The following CSMD1 variants were observed in gnomAD, a reference collection of about 807,000 sequenced individuals.
CSMD1 encodes the protein CUB and sushi domain-containing protein 1.
A neutral mutation model predicts 417.5 loss-of-function variants in CSMD1; 213 were observed. The ratio of observed to expected loss-of-function variants is 0.51; its 90% CI spans 0.46 to 0.57. CSMD1 has a LOEUF of 0.57. Ranked by LOEUF, CSMD1 falls within the 20% of genes least tolerant of loss-of-function variation. The probability of loss-of-function intolerance (pLI) is 0.00; values close to 1 mark genes in which losing one functional copy is unlikely to be tolerated. For missense variants in CSMD1, 6,923 were observed against 4,529.7 expected (o/e 1.53, Z -15.17); for synonymous variants, 2,862 against 1,736.8 (o/e 1.65, Z -16.11).
intron 49 of CSMD1, among the ~76,000 whole-genome samples, chr8:3,078,504 G>T (rs1449456941): frequency 6.6e-6 from 1 of 152,218 alleles, no homozygotes; most frequent in Non-Finnish European, 1.5e-5. Context: ...GTTGGACTCT[G>T]CGTTTCAGTC....
At chr8:4,203,673 A>G in intron 3 of CSMD1, among the ~76,000 whole-genome samples, 1 of 152,236 alleles carries the variant, frequency 6.6e-6, no homozygotes, top group Non-Finnish European at 1.5e-5. Context: ...TCTCCTGGCC[A>G]TTTGTAAGTA....
intron 3 of CSMD1, among the ~76,000 whole-genome samples, chr8:4,210,117 C>G (rs1261142177): frequency 6.6e-6 from 1 of 152,214 alleles, no homozygotes; most frequent in Non-Finnish European, 1.5e-5. Flanking sequence ...GATCATTTTC[C>G]TCCTTCCTGG....
chr8:4,403,354 A>T (rs1017069760), intron 3 of CSMD1, among the ~76,000 whole-genome samples: 4 of 152,136 alleles, frequency 2.6e-5, no homozygotes, highest in African/African-American at 9.7e-5. Flanking sequence ...ACTCCTTATA[A>T]GGAAGTCTCT....
chr8:4,626,409 G>A (rs574568351), intron 2 of CSMD1, among the ~76,000 whole-genome samples: 1 of 152,084 alleles, frequency 6.6e-6, no homozygotes, highest in Non-Finnish European at 1.5e-5. Context: ...GTGGAAGGAA[G>A]TAGTAGTCCA....
chr8:4,391,068 T>C (rs1274026749), intron 3 of CSMD1, among the ~76,000 whole-genome samples: 1 of 152,202 alleles, frequency 6.6e-6, no homozygotes, highest in Admixed American at 6.5e-5. Flanking sequence ...ACTAGGGTCG[T>C]TGTCTAGATC....
intron 10 of CSMD1, among the ~76,000 whole-genome samples, chr8:3,562,221 G>C (rs975581345): frequency 1.3e-5 from 2 of 152,134 alleles, no homozygotes; most frequent in Non-Finnish European, 2.9e-5. Flanking sequence ...GTAGAATAGA[G>C]ATTTGTATCA....
chr8:3,050,485 C>G lies in CSMD1; in HGVS notation c.7660+1977G>C, dbSNP rs141980538. On this transcript the variant is annotated intron_variant, in intron 50 of 69. Coordinates refer to ENST00000635120, the MANE Select transcript of CSMD1 (RefSeq NM_033225.6). ...GTCCATAAATGTCTGGGACATTGTT[C>G]TTATTAAAATCAACCCCAAACATAT... Among the ~76,000 whole-genome samples, 135 of 152,220 alleles carry G rather than the reference C, an allele frequency of 8.9e-4. 1 individual carries two copies. In the East Asian group the frequency reaches 0.024, roughly 27 times the overall value.
chr8:3,301,589 G>C (rs776961193), intron 25 of CSMD1, among the ~76,000 whole-genome samples: 2 of 152,154 alleles, frequency 1.3e-5, no homozygotes, highest in Non-Finnish European at 2.9e-5. Context: ...AGAAACTCAA[G>C]ACAGTGTGTG....
intron 1 of CSMD1, among the ~76,000 whole-genome samples, chr8:4,965,669 G>A (rs4329292): frequency 6.6e-6 from 1 of 152,044 alleles, no homozygotes; most frequent in East Asian, 1.9e-4. Context: ...CATGCTCTTA[G>A]TCTCCCATAA....
At chr8:4,119,771 C>T (rs576186368) in intron 3 of CSMD1, among the ~76,000 whole-genome samples, 2 of 152,282 alleles carry the variant, frequency 1.3e-5, no homozygotes, top group East Asian at 1.9e-4. Context: ...CATTTTGCTA[C>T]AGCAGCCTGA....
rs148952489 is a variant in CSMD1, at chr8:4,644,104, T to C, written c.86-6546A>G. 2.5e-3 allele frequency among the ~76,000 whole-genome samples: 380 copies of C among 152,312 alleles called. 6 individuals carry two copies. Among genetic ancestry groups the C allele is most frequent in the African/African-American group, 8.8e-3 (365 of 41,584 alleles). ...GGAATCGATTTCTCACTGTGGAGTCTTTGCCCATGAGCAAGGCCTTGAAGG... is the reference window on the plus strand; with the variant it reads ...GGAATCGATTTCTCACTGTGGAGTCCTTGCCCATGAGCAAGGCCTTGAAGG... On this transcript the variant is annotated intron_variant, in intron 1 of 69. Transcript: ENST00000635120.
intron 8 of CSMD1, among the ~76,000 whole-genome samples, chr8:3,593,246 C>A (rs988121918): frequency 4.6e-5 from 7 of 152,240 alleles, no homozygotes; most frequent in Admixed American, 3.9e-4. Flanking sequence ...CAAGACAGAA[C>A]CCCCGCGTTG....
chr8:4,149,674 C>G (rs1239545725), intron 3 of CSMD1, among the ~76,000 whole-genome samples: 1 of 152,188 alleles, frequency 6.6e-6, no homozygotes, highest in Non-Finnish European at 1.5e-5. Flanking sequence ...AAGTGCTACA[C>G]TGAAGGAATA....
intron 1 of CSMD1, among the ~76,000 whole-genome samples, chr8:4,949,198 C>G (rs903037563): frequency 3.9e-5 from 6 of 152,094 alleles, no homozygotes; most frequent in African/African-American, 9.7e-5. Context: ...GTCTTAAATA[C>G]CATTGCATTT....
chr8:4,159,414 T>C (rs1411281995), intron 3 of CSMD1, among the ~76,000 whole-genome samples: 1 of 152,176 alleles, frequency 6.6e-6, no homozygotes, highest in Non-Finnish European at 1.5e-5. Flanking sequence ...AGTCATTATA[T>C]GAAAAAGGTA....
intron 22 of CSMD1, among the ~76,000 whole-genome samples, chr8:3,344,635 C>A (rs1271230099): frequency 6.6e-6 from 1 of 151,912 alleles, no homozygotes; most frequent in Non-Finnish European, 1.5e-5. Flanking sequence ...AAAATGGTAC[C>A]CTAACTAAAT....
intron 1 of CSMD1, among the ~76,000 whole-genome samples, chr8:4,989,947 C>A (rs13267577): frequency 6.6e-6 from 1 of 152,044 alleles, no homozygotes; most frequent in East Asian, 1.9e-4. Flanking sequence ...CCGGGAGGAG[C>A]TGCTTTCGCC....
chr8:3,716,727 C>G (rs560844658), intron 6 of CSMD1, among the ~76,000 whole-genome samples: 27 of 152,252 alleles, frequency 1.8e-4, no homozygotes, highest in Admixed American at 1.4e-3. Flanking sequence ...TTCTCCAGCC[C>G]CTATTCAAGA....
chr8:4,674,049 T>C (rs972032607), intron 1 of CSMD1, among the ~76,000 whole-genome samples: 4 of 152,196 alleles, frequency 2.6e-5, no homozygotes, highest in East Asian at 1.9e-4. Context: ...AAAGCTATTA[T>C]TAAAATTCTA....
Sources: allele counts gnomAD v4.1 joint callset (sites outside exome capture counted in the v4.1 genomes callset), GRCh38; gene constraint gnomAD v4.1.1; transcripts MANE v1.5; gene names NCBI Gene and HGNC (gene_info 2026-07-23, HGNC 2026-07-21).